The following ZC3H12B variants were observed in gnomAD, a reference collection of about 807,000 sequenced individuals.
The protein encoded by ZC3H12B is probable ribonuclease ZC3H12B.
In ZC3H12B, 7 loss-of-function variants were observed where a neutral mutation model predicts 43.9. The observed-to-expected ratio is 0.16, with a 90% CI of 0.09 to 0.30. ZC3H12B has a LOEUF of 0.30. Ranked by LOEUF, ZC3H12B falls within the 10% of genes least tolerant of loss-of-function variation. The pLI is 1.00. For missense variants in ZC3H12B, 475 were observed against 670.2 expected, an observed-to-expected ratio of 0.71 and a Z score of 3.22; for synonymous variants, 222 against 241.7, an observed-to-expected ratio of 0.92 and a Z score of 0.76.
chrX:65,221,514 A>G, the ZC3H12B span, among the ~76,000 whole-genome samples: 2 of 111,702 alleles, frequency 1.8e-5, no homozygotes, highest in Non-Finnish European at 3.8e-5. Flanking sequence ...GAGATAATAC[A>G]ACCAATATCA....
upstream of ZC3H12B, among the ~76,000 whole-genome samples, chrX:65,488,026 C>T (rs1485220576): frequency 2.7e-5 from 3 of 111,373 alleles, no homozygotes; most frequent in Non-Finnish European, 5.6e-5. Context: ...CGTCCGTCAC[C>T]ATGCCCAGCT....
chrX:65,182,211 A>C, the ZC3H12B span, among the ~76,000 whole-genome samples: 1 of 111,118 alleles, frequency 9.0e-6, no homozygotes, highest in Non-Finnish European at 1.9e-5. Flanking sequence ...ATGAGAACAC[A>C]TGGACACAGG....
chrX:65,354,004 A>T, the ZC3H12B span, among the ~76,000 whole-genome samples: 1 of 111,739 alleles, frequency 8.9e-6, no homozygotes, highest in Non-Finnish European at 1.9e-5. Flanking sequence ...CCTGGGACAG[A>T]GCACCTAGGG....
At chrX:65,053,669 T>A in the ZC3H12B span, among the ~76,000 whole-genome samples, 2 of 111,682 alleles carry the variant, frequency 1.8e-5, no homozygotes, top group African/African-American at 3.3e-5. Context: ...TCTAGATCCC[T>A]GAGGAATCGC....
the ZC3H12B span, among the ~76,000 whole-genome samples, chrX:65,246,542 G>C: frequency 3.4e-4 from 38 of 111,860 alleles, no homozygotes; most frequent in Admixed American, 3.3e-3. Context: ...AAAACAGCCT[G>C]GTACTGGTAC....
chrX:65,362,353 C>T (rs1027606421), upstream of ZC3H12B, among the ~76,000 whole-genome samples: 2 of 111,480 alleles, frequency 1.8e-5, no homozygotes, highest in Admixed American at 1.9e-4. Flanking sequence ...TGGGTATTGA[C>T]GGCCAGGCTT....
rs780606818 is a variant in ZC3H12B, at chrX:65,426,828, G to C, written n.407+28124G>C. ...TTTTAATTTGATTGCACTGTGGTCT[G>C]AGAGACTGTTATGATTTCAGTTATT... On this transcript the variant is annotated intron_variant and non_coding_transcript_variant, in intron 3 of 5. Coordinates refer to the ZC3H12B transcript ENST00000617377. Among the ~76,000 whole-genome samples, 286 of 112,104 alleles carry C rather than the reference G, an allele frequency of 2.6e-3. 1 individual carries two copies. The highest frequency in any genetic ancestry group is 0.015 in the South Asian group (40 of 2,700).
At chrX:65,346,806 G>A in the ZC3H12B span, among the ~76,000 whole-genome samples, 1 of 112,301 alleles carries the variant, frequency 8.9e-6, no homozygotes. Flanking sequence ...CTCCAGTCAG[G>A]GACTTACAGA....
At chrX:65,127,876 G>A in the ZC3H12B span, among the ~76,000 whole-genome samples, 9 of 111,094 alleles carry the variant, frequency 8.1e-5, no homozygotes, top group East Asian at 5.7e-4. Flanking sequence ...CACTTTCATC[G>A]TTTTCCCCAC....
the ZC3H12B span, among the ~76,000 whole-genome samples, chrX:65,159,056 C>T: frequency 2.7e-5 from 3 of 111,730 alleles, no homozygotes; most frequent in Admixed American, 1.9e-4. Flanking sequence ...TTGTTTTTCT[C>T]AGGTTTGTCA....
intron 3 of ZC3H12B, among the ~76,000 whole-genome samples, chrX:65,442,530 A>G (rs1167698687): frequency 9.0e-6 from 1 of 111,086 alleles, no homozygotes; most frequent in Non-Finnish European, 1.9e-5. Context: ...TCGACCCCCA[A>G]AAGCTGGTCT....
At chrX:65,225,075 A>T in the ZC3H12B span, among the ~76,000 whole-genome samples, 2 of 112,019 alleles carry the variant, frequency 1.8e-5, no homozygotes, top group Non-Finnish European at 3.8e-5. Context: ...TGCCTCCTCA[A>T]GTGGGTCCCT....
the ZC3H12B span, among the ~76,000 whole-genome samples, chrX:65,335,729 A>G: frequency 4.5e-5 from 5 of 111,839 alleles, no homozygotes; most frequent in Admixed American, 1.9e-4. Context: ...CTCTTCCGAG[A>G]GAGAGCCTAG....
chrX:65,451,105 G>A (rs1395986531), intron 3 of ZC3H12B, among the ~76,000 whole-genome samples: 1 of 108,395 alleles, frequency 9.2e-6, no homozygotes, highest in African/African-American at 3.4e-5. Flanking sequence ...ATGCCACCAT[G>A]CCTGGCTAAT....
chrX:65,070,667 TG>T, the ZC3H12B span, among the ~76,000 whole-genome samples: 12 of 111,092 alleles, frequency 1.1e-4, no homozygotes, highest in Admixed American at 1.9e-4. Flanking sequence ...AACTTCTTGA[TG>T]TCTGCTTTAA....
the ZC3H12B span, among the ~76,000 whole-genome samples, chrX:65,178,504 AATCT>A: frequency 2.7e-5 from 3 of 112,583 alleles, no homozygotes; most frequent in Non-Finnish European, 3.8e-5. Context: ...ATATAATTGC[AATCT>A]ATCCATCTGA....
the ZC3H12B span, among the ~76,000 whole-genome samples, chrX:65,240,586 C>T: frequency 8.9e-5 from 10 of 111,845 alleles, no homozygotes; most frequent in Non-Finnish European, 1.7e-4. Flanking sequence ...ACCTCAGCCT[C>T]AGCCCCAGCT....
At chrX:65,471,536 TC>T (rs1569420074) in intron 3 of ZC3H12B, among the ~76,000 whole-genome samples, 1 of 99,511 alleles carries the variant, frequency 1.0e-5, no homozygotes, top group African/African-American at 3.7e-5. Context: ...CCACAACCTC[TC>T]CCTCCCAGGT....
chrX:65,475,685 G>A (rs763227784), intron 3 of ZC3H12B, among the ~76,000 whole-genome samples: 6 of 112,090 alleles, frequency 5.4e-5, no homozygotes, highest in Admixed American at 9.5e-5. Context: ...ACAGTTCCAC[G>A]TGGCTGGGGA....
Sources: gnomAD v4.1 joint callset for allele counts (sites outside exome capture counted in the v4.1 genomes callset) on GRCh38, gnomAD v4.1.1 for gene constraint, MANE v1.5 for transcripts, NCBI Gene and HGNC (gene_info 2026-07-23, HGNC 2026-07-21) for gene names.